Variants in RAB6B observed in about 807,000 individuals in gnomAD.
RAB6B encodes ras-related protein Rab-6B.
Under a neutral mutation model 31.2 loss-of-function variants are expected in RAB6B, and 7 were observed. That is an observed-to-expected ratio of 0.22 (90% CI 0.13 to 0.42). The LOEUF is 0.42. Among genes scored for constraint, RAB6B ranks in the 10% least tolerant of loss-of-function variants. The pLI is 1.00. For synonymous variants in RAB6B, 105 were observed against 104.9 expected (o/e 1.00, Z -0.01); for missense variants, 149 against 280.6 (o/e 0.53, Z 3.35).
At chr3:133,844,918 G>A (rs910612421) in intron 2 of RAB6B, among the ~76,000 whole-genome samples, 2 of 150,202 alleles carry the variant, frequency 1.3e-5, no homozygotes, top group African/African-American at 2.5e-5. Flanking sequence ...ACTCCAGGCT[G>A]GTCAACAGAG....
chr3:133,851,493 C>A (rs1935984089), intron 2 of RAB6B, among the ~76,000 whole-genome samples: 1 of 152,062 alleles, frequency 6.6e-6, no homozygotes, highest in South Asian at 2.1e-4. Context: ...GGGATAAAGG[C>A]AAGGGAGACA....
chr3:133,864,783 A>G (rs1347533349), intron 1 of RAB6B, 141 bp from the exon 2 acceptor site: 2 of 825,436 alleles, frequency 2.4e-6, no homozygotes, highest in Non-Finnish European at 2.0e-6. Flanking sequence ...AGTGGGAGAC[A>G]GGCCCCTGCT....
chr3:133,839,808 G>A (rs74610443), intron 4 of RAB6B, among the ~76,000 whole-genome samples, 191 bp from the exon 5 acceptor site: 98 of 152,274 alleles, frequency 6.4e-4, no homozygotes, highest in African/African-American at 2.2e-3. Flanking sequence ...CCTGCCCTGC[G>A]GCCCTGGGGA....
At chr3:133,847,707 C>G (rs368660316) in intron 2 of RAB6B, among the ~76,000 whole-genome samples, 19 of 152,316 alleles carry the variant, frequency 1.2e-4, no homozygotes, top group East Asian at 9.6e-4. Context: ...GTCCCTCTGC[C>G]CATAGCTCTT....
chr3:133,880,792 A>AGT (rs1160935094), intron 1 of RAB6B, among the ~76,000 whole-genome samples: 1 of 152,220 alleles, frequency 6.6e-6, no homozygotes, highest in Non-Finnish European at 1.5e-5. Flanking sequence ...CAAGGGGCAG[A>AGT]GTGAACTTCT....
intron 1 of RAB6B, among the ~76,000 whole-genome samples, chr3:133,876,839 T>C (rs1406826938): frequency 1.3e-5 from 2 of 152,148 alleles, no homozygotes; most frequent in East Asian, 1.9e-4. Flanking sequence ...TCAAGGCTGA[T>C]AACCAGACCA....
chr3:133,885,994 G>A (rs1012848191), intron 1 of RAB6B, among the ~76,000 whole-genome samples: 1 of 152,036 alleles, frequency 6.6e-6, no homozygotes, highest in African/African-American at 2.4e-5. Context: ...TGTCCCTCTG[G>A]GTCAAAACTC....
At chr3:133,841,206 A>G (rs1405213952) in intron 4 of RAB6B, 79 bp downstream of exon 4, 7 of 1,337,506 alleles carry the variant, frequency 5.2e-6, no homozygotes, top group Non-Finnish European at 7.5e-6. Context: ...ACACACATGC[A>G]CACAGGCCTG....
chr3:133,827,807 G>A lies in RAB6B; in HGVS notation c.*981C>T. 2.9e-6 allele frequency: 1 copy of A among 343,042 alleles called. No individual in the cohort carries two copies. The highest frequency in any genetic ancestry group is 5.8e-6 in the Non-Finnish European group (1 of 171,032). 21.2% of individuals were successfully genotyped at this position (343,042 alleles called of 1,614,324 possible). A position where few individuals can be genotyped will look rare whatever the true frequency, so the allele number is the denominator to read the frequency against. On this transcript the variant is annotated 3_prime_UTR_variant, in exon 8 of 8. Coordinates refer to ENST00000285208, the MANE Select transcript of RAB6B (RefSeq NM_016577.4). ...CAACTCCAGGTGGTCCAGCTTCCCT[G>A]ACATCCAGGAGGAAGGCTTCAGGAT...
intron 1 of RAB6B, among the ~76,000 whole-genome samples, chr3:133,867,990 A>G (rs1356001473): frequency 1.3e-5 from 2 of 152,076 alleles, no homozygotes. Context: ...ACACCCCTGC[A>G]GTGGTATCCG....
intron 4 of RAB6B, 22 bp from the exon 5 acceptor site, chr3:133,839,639 A>G: frequency 2.5e-6 from 4 of 1,579,268 alleles, no homozygotes; most frequent in Middle Eastern, 1.7e-4. Context: ...AAGTGAGGAT[A>G]AACTGAAAGC....
At chr3:133,829,625 C>T (rs749679154) in intron 7 of RAB6B, among the ~76,000 whole-genome samples, 2 of 152,162 alleles carry the variant, frequency 1.3e-5, no homozygotes, top group Non-Finnish European at 2.9e-5. Context: ...TGCCTTAAGA[C>T]AGGGGTGTGT....
At chr3:133,872,480 GT>G (rs1304143785) in intron 1 of RAB6B, among the ~76,000 whole-genome samples, 1 of 152,214 alleles carries the variant, frequency 6.6e-6, no homozygotes, top group Admixed American at 6.5e-5. Context: ...GTGGTGACAA[GT>G]GAAACAGTTA....
chr3:133,832,923 C>G (rs1935676262), intron 7 of RAB6B, among the ~76,000 whole-genome samples: 1 of 152,238 alleles, frequency 6.6e-6, no homozygotes, highest in South Asian at 2.1e-4. Flanking sequence ...GCACTCAGCC[C>G]AGTCTGACCT....
chr3:133,849,782 A>C (rs939772407), intron 2 of RAB6B, among the ~76,000 whole-genome samples: 1 of 152,228 alleles, frequency 6.6e-6, no homozygotes, highest in African/African-American at 2.4e-5. Flanking sequence ...GTCATCAGCC[A>C]TAATAGTTCA....
chr3:133,887,773 C>T (rs142585129), intron 1 of RAB6B, among the ~76,000 whole-genome samples: 1,912 of 152,252 alleles, frequency 0.013, 18 homozygotes, highest in Non-Finnish European at 0.02. Flanking sequence ...AAAGGGTTAC[C>T]CCAGAGTAGG....
intron 2 of RAB6B, among the ~76,000 whole-genome samples, chr3:133,861,978 A>G (rs1028043928): frequency 6.6e-6 from 1 of 152,172 alleles, no homozygotes; most frequent in Non-Finnish European, 1.5e-5. Flanking sequence ...CCACCATGTT[A>G]GGAAAAACAA....
rs1935607608 is a variant in RAB6B at position 133,828,517 on chromosome 3, TTTTTAAA to T, written c.*264_*270del. On this transcript the variant is annotated 3_prime_UTR_variant, in exon 8 of 8. Coordinates refer to ENST00000285208, the MANE Select transcript of RAB6B (RefSeq NM_016577.4). ...AATTGTATACACATGATTTAAATTT[TTTTTAAA>T]TTTTAACAGTTTTTGGCAATCTTAA... 1 of 480,116 alleles carries T rather than the reference TTTTTAAA, an allele frequency of 2.1e-6. No individual in the cohort carries two copies. Among genetic ancestry groups the T allele is most frequent in the Non-Finnish European group, 3.7e-6 (1 of 273,724 alleles). The allele number at this position is 480,116 out of a possible 1,614,324, so 29.7% of individuals were successfully genotyped here. A position where few individuals can be genotyped will look rare whatever the true frequency, so the allele number is the denominator to read the frequency against.
At chr3:133,864,246 C>T (rs923560640) in intron 2 of RAB6B, among the ~76,000 whole-genome samples, 2 of 152,106 alleles carry the variant, frequency 1.3e-5, no homozygotes, top group African/African-American at 4.8e-5. Context: ...GTTCGCCTAA[C>T]ACTCTCATTT....
Sources: allele counts gnomAD v4.1 joint callset (sites outside exome capture counted in the v4.1 genomes callset), GRCh38; gene constraint gnomAD v4.1.1; transcripts MANE v1.5; gene names NCBI Gene and HGNC (gene_info 2026-07-23, HGNC 2026-07-21).